Variants in GRIA4 observed in about 807,000 individuals in gnomAD.
GRIA4 encodes glutamate receptor 4.
GRIA4 carries 34 observed loss-of-function variants against 104.0 expected under a neutral mutation model. The ratio of observed to expected loss-of-function variants is 0.33; its 90% CI spans 0.25 to 0.44. The LOEUF is 0.44. GRIA4 is among the 20% of genes least tolerant of loss of function. GRIA4 has a pLI of 1.00. For synonymous variants in GRIA4, 386 were observed against 381.9 expected, an observed-to-expected ratio of 1.01 and a Z score of -0.13; for missense variants, 750 against 1,096.5, an observed-to-expected ratio of 0.68 and a Z score of 4.46.
At chr11:105,635,011 A>G (rs1016620378) in intron 3 of GRIA4, among the ~76,000 whole-genome samples, 5 of 152,238 alleles carry the variant, frequency 3.3e-5, no homozygotes, top group African/African-American at 9.6e-5. Context: ...TCACACATGT[A>G]TAGTACTTCA....
chr11:105,907,610 G>C (rs1947088607), intron 9 of GRIA4, among the ~76,000 whole-genome samples: 1 of 152,186 alleles, frequency 6.6e-6, no homozygotes, highest in South Asian at 2.1e-4. Flanking sequence ...AAGTACAGCA[G>C]AATCTTCTTA....
intron 3 of GRIA4, among the ~76,000 whole-genome samples, chr11:105,748,549 A>AT (rs34054913): frequency 1.3e-5 from 2 of 151,654 alleles, no homozygotes; most frequent in Non-Finnish European, 2.9e-5. Context: ...CGCCCTGCTA[A>AT]TTTTTTTGTA....
chr11:105,897,111 T>C (rs574529990), intron 6 of GRIA4, among the ~76,000 whole-genome samples: 88 of 152,264 alleles, frequency 5.8e-4, no homozygotes, highest in Non-Finnish European at 9.7e-4. Context: ...GTTTTCCTTA[T>C]AGAGGTCTCT....
intron 11 of GRIA4, among the ~76,000 whole-genome samples, chr11:105,921,869 A>G (rs1947574893): frequency 1.3e-5 from 2 of 152,136 alleles, no homozygotes; most frequent in Admixed American, 1.3e-4. Context: ...AAGATACCAA[A>G]AAGTGATAGG....
intron 4 of GRIA4, among the ~76,000 whole-genome samples, chr11:105,814,084 G>A (rs1044905496): frequency 5.9e-5 from 9 of 152,184 alleles, no homozygotes; most frequent in African/African-American, 1.9e-4. Flanking sequence ...AGAACTTGAT[G>A]TGTTGCAAAA....
intron 14 of GRIA4, among the ~76,000 whole-genome samples, chr11:105,968,131 C>A (rs955110855): frequency 1.3e-5 from 2 of 152,300 alleles, no homozygotes; most frequent in South Asian, 2.1e-4. Context: ...GCTTAGCTGA[C>A]CTTCAAATAC....
chr11:105,811,011 A>G (rs1225851725), intron 4 of GRIA4, among the ~76,000 whole-genome samples: 1 of 152,162 alleles, frequency 6.6e-6, no homozygotes, highest in Admixed American at 6.5e-5. Context: ...TAGTGCTACA[A>G]TTTTTAGCAA....
chr11:105,711,472 A>T (rs897290769), intron 3 of GRIA4, among the ~76,000 whole-genome samples: 3 of 152,156 alleles, frequency 2.0e-5, no homozygotes, highest in Admixed American at 2.0e-4. Flanking sequence ...TTCATATGAT[A>T]GAACATACTG....
chr11:105,612,152 T>C (rs113648020), intron 2 of GRIA4, 124 bp from the exon 3 acceptor site: 1 of 788,840 alleles, frequency 1.3e-6, no homozygotes, highest in Non-Finnish European at 2.1e-6. Flanking sequence ...TCTCCCTAGA[T>C]GTGGCAGGTA....
At chr11:105,674,545 A>T (rs1331863942) in intron 3 of GRIA4, among the ~76,000 whole-genome samples, 2 of 151,900 alleles carry the variant, frequency 1.3e-5, no homozygotes, top group Non-Finnish European at 2.9e-5. Context: ...TCACTGAAAA[A>T]AAATTATTAA....
intron 4 of GRIA4, among the ~76,000 whole-genome samples, chr11:105,815,675 CA>C (rs112993668): frequency 0.24 from 35,260 of 146,416 alleles, 5,711 homozygotes; most frequent in African/African-American, 0.46. Context: ...GAAAAACGAC[CA>C]AAAAAAAAAA....
intron 14 of GRIA4, among the ~76,000 whole-genome samples, chr11:105,943,891 T>G (rs1038672686): frequency 6.6e-6 from 1 of 152,070 alleles, no homozygotes; most frequent in Admixed American, 6.6e-5. Context: ...TATATATATA[T>G]ATAGGAATTT....
chr11:105,901,746 T>C (rs1946864256), intron 7 of GRIA4, among the ~76,000 whole-genome samples: 1 of 152,236 alleles, frequency 6.6e-6, no homozygotes, highest in Non-Finnish European at 1.5e-5. Context: ...ACATATTTCA[T>C]AAAAATAAAC....
chr11:105,938,244 T>G (rs981474460), intron 14 of GRIA4, among the ~76,000 whole-genome samples: 4 of 152,236 alleles, frequency 2.6e-5, no homozygotes, highest in African/African-American at 9.6e-5. Context: ...ATTTGTGGGA[T>G]ATATACTTTA....
At chr11:105,761,018 C>A (rs1389514727) in intron 4 of GRIA4, among the ~76,000 whole-genome samples, 1 of 152,102 alleles carries the variant, frequency 6.6e-6, no homozygotes, top group Non-Finnish European at 1.5e-5. Flanking sequence ...TTCAAATATT[C>A]CGCATTTTTA....
intron 3 of GRIA4, among the ~76,000 whole-genome samples, chr11:105,615,852 A>G (rs1591442092): frequency 6.6e-6 from 1 of 151,774 alleles, no homozygotes; most frequent in Non-Finnish European, 1.5e-5. Context: ...TTTGACCAAG[A>G]GTAATAACAA....
chr11:105,803,477 A>G (rs968733639), intron 4 of GRIA4, among the ~76,000 whole-genome samples: 5 of 151,970 alleles, frequency 3.3e-5, no homozygotes, highest in African/African-American at 4.8e-5. Flanking sequence ...AATGTGCTTC[A>G]TAAGGTGGAA....
chr11:105,792,065 C>A (rs1387271387), intron 4 of GRIA4, among the ~76,000 whole-genome samples: 1 of 151,828 alleles, frequency 6.6e-6, no homozygotes, highest in Non-Finnish European at 1.5e-5. Context: ...TGCCACATGT[C>A]AAAGATATTA....
chr11:105,948,700 G>A (rs1948391205), intron 14 of GRIA4, among the ~76,000 whole-genome samples: 1 of 148,448 alleles, frequency 6.7e-6, no homozygotes. Flanking sequence ...CCGCCTCCCG[G>A]GTGCAAGCGA....
Sources: gnomAD v4.1 joint callset for allele counts (sites outside exome capture counted in the v4.1 genomes callset) on GRCh38, gnomAD v4.1.1 for gene constraint, MANE v1.5 for transcripts, NCBI Gene and HGNC (gene_info 2026-07-23, HGNC 2026-07-21) for gene names.